Variants in CX3CR1 observed in about 807,000 individuals in gnomAD.
CX3CR1 encodes the protein C-X3-C motif chemokine receptor 1.
For synonymous variants in CX3CR1, 168 were observed against 178.5 expected (o/e 0.94, Z 0.47); for missense variants, 363 against 432.4 (o/e 0.84, Z 1.42).
upstream of CX3CR1, chr3:39,280,486 T>C: frequency 1.8e-5 from 18 of 982,496 alleles, no homozygotes; most frequent in Non-Finnish European, 2.1e-5. Flanking sequence ...CCTCAAGCCC[T>C]GCCCTATATC....
At chr3:39,266,912 T>C (rs1283423533) in intron 1 of CX3CR1, among the ~76,000 whole-genome samples, 1 of 151,952 alleles carries the variant, frequency 6.6e-6, no homozygotes, top group Non-Finnish European at 1.5e-5. Context: ...GCCTCCCAAA[T>C]AGCTGGGATT....
chr3:39,292,878 C>G, the CX3CR1 span, among the ~76,000 whole-genome samples: 921 of 152,312 alleles, frequency 6.0e-3, 13 homozygotes, highest in African/African-American at 0.021. Flanking sequence ...CTTTGACACC[C>G]TAGACAATCT....
the CX3CR1 span, among the ~76,000 whole-genome samples, chr3:39,289,605 A>T: frequency 0.66 from 100,571 of 151,866 alleles, 33,614 homozygotes; most frequent in East Asian, 0.85. Context: ...ATGGCCTTTT[A>T]ACTATTCTTA....
At position 39,279,997 on chromosome 3, in the gene CX3CR1, CA is replaced by C; in HGVS notation, c.-54del. The C allele has an allele frequency of 1.0e-6, 1 of 985,538 alleles. No homozygotes were observed. The highest frequency in any genetic ancestry group is 6.1e-5 in the Admixed American group (1 of 16,294). 61.0% of individuals were successfully genotyped at this position (985,538 alleles called of 1,614,324 possible). A position where few individuals can be genotyped will look rare whatever the true frequency, so the allele number is the denominator to read the frequency against. ...GGAACCTCTGGATCTGCCAGTCAGC[CA>C]CCCTGTCCTGCTCAGACTTTACCAG... On this transcript the variant is annotated 5_prime_UTR_variant, in exon 1 of 2. Coordinates refer to ENST00000399220, the MANE Select transcript of CX3CR1 (RefSeq NM_001337.4).
At chr3:39,270,829 A>AATCAAC (rs1397214159) in intron 1 of CX3CR1, among the ~76,000 whole-genome samples, 1 of 152,270 alleles carries the variant, frequency 6.6e-6, no homozygotes, top group Non-Finnish European at 1.5e-5. Context: ...TTAAAATAAA[A>AATCAAC]ATCAACAAAA....
the CX3CR1 span, among the ~76,000 whole-genome samples, chr3:39,291,725 C>T: frequency 1.3e-5 from 2 of 152,214 alleles, no homozygotes; most frequent in Non-Finnish European, 2.9e-5. Context: ...ATTTCCAACT[C>T]TTCCTTTCAG....
chr3:39,277,805 G>A (rs1439175349), intron 1 of CX3CR1, among the ~76,000 whole-genome samples: 6 of 152,150 alleles, frequency 3.9e-5, no homozygotes, highest in Non-Finnish European at 7.4e-5. Flanking sequence ...CTACAGCTCT[G>A]GATTCTTCAC....
chr3:39,267,877 T>TG (rs1188074845), intron 1 of CX3CR1, among the ~76,000 whole-genome samples: 2 of 152,202 alleles, frequency 1.3e-5, no homozygotes, highest in Non-Finnish European at 2.9e-5. Context: ...AGCCAGGACT[T>TG]GCTGCTCATT....
intron 1 of CX3CR1, among the ~76,000 whole-genome samples, chr3:39,275,861 G>A (rs1479112361): frequency 7.3e-5 from 11 of 151,432 alleles, no homozygotes; most frequent in African/African-American, 9.7e-5. Context: ...GGAAGCCCAA[G>A]GATTGAACCT....
At chr3:39,289,467 T>C in the CX3CR1 span, among the ~76,000 whole-genome samples, 2,590 of 152,288 alleles carry the variant, frequency 0.017, 68 homozygotes, top group African/African-American at 0.059. Flanking sequence ...CAGCTGTCCC[T>C]TCAGAACTCA....
At chr3:39,288,013 T>C in the CX3CR1 span, 1 of 151,658 alleles carries the variant, frequency 6.6e-6, no homozygotes, top group Non-Finnish European at 1.5e-5. Flanking sequence ...TGTGTGTGTG[T>C]TTTAAATAAG....
upstream of CX3CR1, among the ~76,000 whole-genome samples, chr3:39,283,853 A>T (rs114966182): frequency 8.1e-6 from 1 of 124,042 alleles, no homozygotes; most frequent in African/African-American, 2.9e-5. Flanking sequence ...TGTGGTTAAT[A>T]GGCACAAAAA....
chr3:39,287,892 G>A, the CX3CR1 span: 1 of 152,180 alleles, frequency 6.6e-6, no homozygotes, highest in East Asian at 1.9e-4. Flanking sequence ...CCTGGATGGT[G>A]ACATTTCACC....
At chr3:39,289,655 T>C in the CX3CR1 span, among the ~76,000 whole-genome samples, 1 of 150,842 alleles carries the variant, frequency 6.6e-6, no homozygotes, top group Non-Finnish European at 1.5e-5. Flanking sequence ...TGAATTATGT[T>C]TCCCCCAACT....
intron 1 of CX3CR1, among the ~76,000 whole-genome samples, chr3:39,267,150 G>C (rs775861022): frequency 6.6e-6 from 1 of 151,976 alleles, no homozygotes; most frequent in East Asian, 1.9e-4. Context: ...CTCTCCAAAA[G>C]CTAGCTAGTT....
At chr3:39,267,283 C>A (rs1465770555) in intron 1 of CX3CR1, among the ~76,000 whole-genome samples, 2 of 152,154 alleles carry the variant, frequency 1.3e-5, no homozygotes, top group African/African-American at 2.4e-5. Flanking sequence ...AAGCAATTCT[C>A]CATCCTCTTC....
chr3:39,279,450 G>A (rs1346605886), intron 1 of CX3CR1, among the ~76,000 whole-genome samples: 5 of 151,952 alleles, frequency 3.3e-5, no homozygotes, highest in East Asian at 1.9e-4. Flanking sequence ...TAAAAGCAGC[G>A]AGAACCTCCT....
the CX3CR1 span, among the ~76,000 whole-genome samples, chr3:39,290,209 G>C: frequency 1.3e-5 from 2 of 152,206 alleles, no homozygotes; most frequent in Non-Finnish European, 2.9e-5. Flanking sequence ...AGCAGGGGCA[G>C]TTCTAGATCA....
intron 1 of CX3CR1, among the ~76,000 whole-genome samples, chr3:39,267,329 C>G (rs1254006040): frequency 6.6e-6 from 1 of 152,176 alleles, no homozygotes; most frequent in Non-Finnish European, 1.5e-5. Context: ...TGGCCCCTTA[C>G]TTTTCCATGA....
Sources: allele counts gnomAD v4.1 joint callset (sites outside exome capture counted in the v4.1 genomes callset), GRCh38; gene constraint gnomAD v4.1.1; transcripts MANE v1.5; gene names NCBI Gene and HGNC (gene_info 2026-07-23, HGNC 2026-07-21).